TOLLIP: variants seen among roughly 807,000 people sequenced by gnomAD.
TOLLIP encodes the protein toll interacting protein, also known as toll-interacting protein.
Under a neutral mutation model 33.5 loss-of-function variants are expected in TOLLIP, and 16 were observed. That is an observed-to-expected ratio of 0.48 (90% CI 0.32 to 0.72). TOLLIP has a LOEUF of 0.72. Ranked by LOEUF, TOLLIP falls within the 30% of genes least tolerant of loss-of-function variation. The pLI is 0.03. For synonymous variants in TOLLIP, 176 were observed against 163.7 expected, an observed-to-expected ratio of 1.07 and a Z score of -0.57; for missense variants, 325 against 396.6, an observed-to-expected ratio of 0.82 and a Z score of 1.53.
At chr11:1,307,404 C>T (rs533673944) in intron 1 of TOLLIP, among the ~76,000 whole-genome samples, 32 of 152,384 alleles carry the variant, frequency 2.1e-4, no homozygotes, top group Non-Finnish European at 5.9e-5. Flanking sequence ...CTCCCACTTC[C>T]TCATCGCGGG....
rs1863820502 is a variant in TOLLIP, at chr11:1,288,486, G to T, written c.519+138C>A. ...AAACCACCCAGGGCCCCTGCCCTCT[G>T]TCCTCAGAACGTGAGCCCTGCTGTT... On this transcript the variant is annotated intron_variant, in intron 4 of 5. Coordinates refer to ENST00000317204, the MANE Select transcript of TOLLIP (RefSeq NM_019009.4). 15 of 1,094,762 alleles carry T rather than the reference G, an allele frequency of 1.4e-5. No homozygotes were observed. The South Asian group carries it at 1.8e-4, about 13-fold the overall frequency. 67.8% of individuals were successfully genotyped at this position (1,094,762 alleles called of 1,614,324 possible). A position where few individuals can be genotyped will look rare whatever the true frequency, so the allele number is the denominator to read the frequency against.
chr11:1,309,286 G>T (rs956356818), intron 1 of TOLLIP, among the ~76,000 whole-genome samples, 180 bp downstream of exon 1: 3 of 151,932 alleles, frequency 2.0e-5, no homozygotes, highest in Non-Finnish European at 4.4e-5. Context: ...CGTCCGTCCG[G>T]CCCGCCCCGC....
At chr11:1,295,849 C>T in intron 1 of TOLLIP, 55 bp from the exon 2 acceptor site, 1 of 1,497,062 alleles carries the variant, frequency 6.7e-7, no homozygotes. Context: ...CACAAAGCAG[C>T]CCGACAGCAG....
chr11:1,280,068 C>T (rs1052432811), intron 5 of TOLLIP, among the ~76,000 whole-genome samples: 4 of 152,230 alleles, frequency 2.6e-5, no homozygotes, highest in African/African-American at 7.2e-5. Context: ...ACCAAGTTAG[C>T]GGGTTAATAA....
Position 1,281,339 on chromosome 11 carries a change from G to A in TOLLIP, c.611-4086C>T, listed in dbSNP as rs149401232. 2.2e-3 allele frequency among the ~76,000 whole-genome samples: 338 copies of A among 152,260 alleles called. 5 individuals are homozygous for A. Among genetic ancestry groups the A allele is most frequent in the African/African-American group, 7.7e-3 (320 of 41,548 alleles). ...GGAGATGGTCTGACCTCAGCGCCCC[G>A]GCTTCTGAGTTGCTTTGTGGGGGAC... On this transcript the variant is annotated intron_variant, in intron 5 of 5. Coordinates refer to ENST00000317204, the MANE Select transcript of TOLLIP (RefSeq NM_019009.4).
At position 1,290,220 on chromosome 11, in the gene TOLLIP, C is replaced by T. The variant is rs1395393722; in HGVS notation, c.366+7G>A. The T allele has an allele frequency of 6.2e-7, 1 of 1,612,552 alleles. No homozygotes were observed. The highest frequency in any genetic ancestry group is 2.2e-5 in the East Asian group (1 of 44,852). ...AGCCTCCATAATAGCTGGCACGTCCCTCTCACCTCATCGAAGATCTCGAGA... is the reference window on the plus strand; with the variant it reads ...AGCCTCCATAATAGCTGGCACGTCCTTCTCACCTCATCGAAGATCTCGAGA... On this transcript the variant is annotated splice_region_variant and intron_variant, in intron 3 of 5. Coordinates refer to ENST00000317204, the MANE Select transcript of TOLLIP (RefSeq NM_019009.4). The surrounding 1 kb of genome is among the most constrained non-coding windows in gnomAD (Gnocchi z 4.9).
rs533043514 is a variant in TOLLIP, at chr11:1,303,563, C to T, written c.33+5903G>A. Among the ~76,000 whole-genome samples, 102 of 152,354 alleles carry T rather than the reference C, an allele frequency of 6.7e-4. No homozygotes were observed. Among genetic ancestry groups the T allele is most frequent in the Non-Finnish European group, 1.2e-3 (80 of 68,040 alleles). On this transcript the variant is annotated intron_variant, in intron 1 of 5. Coordinates refer to ENST00000317204, the MANE Select transcript of TOLLIP (RefSeq NM_019009.4). This position sits in a 1 kb window ranked among gnomAD's most constrained non-coding sequence, Gnocchi z 4.2. ...GCTGTGCAAAGAAACAGGGCAAGGCCGGGTGGCAGGGGCACGCTGCACTTC... is the reference window on the plus strand; with the variant it reads ...GCTGTGCAAAGAAACAGGGCAAGGCTGGGTGGCAGGGGCACGCTGCACTTC...
chr11:1,282,963 T>C (rs1257299515), intron 5 of TOLLIP, among the ~76,000 whole-genome samples: 1 of 152,012 alleles, frequency 6.6e-6, no homozygotes. Context: ...ATAAATAAAA[T>C]AGGAAATTGT....
chr11:1,306,409 A>C (rs769789809), intron 1 of TOLLIP, among the ~76,000 whole-genome samples: 4 of 151,890 alleles, frequency 2.6e-5, no homozygotes, highest in Non-Finnish European at 4.4e-5. Context: ...AGGGGGAGGC[A>C]ACGGCTAGAC....
At chr11:1,291,579 C>T (rs1352672140) in intron 2 of TOLLIP, among the ~76,000 whole-genome samples, 3 of 150,714 alleles carry the variant, frequency 2.0e-5, no homozygotes, top group Non-Finnish European at 4.4e-5. Context: ...TCTGAGGGCA[C>T]GGCCACCCTG....
chr11:1,274,956 G>A lies in TOLLIP; in HGVS notation c.*2083C>T, dbSNP rs540524758. On this transcript the variant is annotated 3_prime_UTR_variant, in exon 6 of 6. Transcript: ENST00000317204. ...GCTTCTACAGTAAGCCACTTCTACA[G>A]TAAGCCTTCAAACAGGAAATAAAGC... 1 of 152,322 alleles carries A rather than the reference G, an allele frequency of 6.6e-6. No homozygotes were observed. The highest frequency in any genetic ancestry group is 2.4e-5 in the African/African-American group (1 of 41,548). 9.4% of individuals were successfully genotyped at this position (152,322 alleles called of 1,614,324 possible).
At chr11:1,301,270 C>T (rs906624341) in intron 1 of TOLLIP, among the ~76,000 whole-genome samples, 1 of 152,246 alleles carries the variant, frequency 6.6e-6, no homozygotes, top group African/African-American at 2.4e-5. Flanking sequence ...AAACTGACAT[C>T]ATTAGCGATG....
chr11:1,286,164 C>A, intron 4 of TOLLIP, 72 bp from the exon 5 acceptor site: 1 of 1,220,414 alleles, frequency 8.2e-7, no homozygotes, highest in Non-Finnish European at 1.2e-6. Flanking sequence ...GAATCGCCCT[C>A]CCCACAATTG....
At chr11:1,295,989 C>T (rs1332956346) in intron 1 of TOLLIP, among the ~76,000 whole-genome samples, 195 bp from the exon 2 acceptor site, 3 of 152,194 alleles carry the variant, frequency 2.0e-5, no homozygotes, top group Non-Finnish European at 4.4e-5. Context: ...TGGCCCCCAG[C>T]GGTACAGGTG....
At chr11:1,280,161 G>A (rs1003204174) in intron 5 of TOLLIP, among the ~76,000 whole-genome samples, 23 of 152,222 alleles carry the variant, frequency 1.5e-4, no homozygotes, top group Non-Finnish European at 2.6e-4. Context: ...GAACCATTTC[G>A]TATTTTAAAT....
intron 5 of TOLLIP, chr11:1,283,611 A>T (rs1197346524): frequency 6.6e-6 from 3 of 454,122 alleles, no homozygotes; most frequent in African/African-American, 6.0e-5. Flanking sequence ...TCAAAAGAAA[A>T]TTTCAAAGTT....
rs1043416904 is a variant in TOLLIP at position 1,303,145 on chromosome 11, G to C, written c.33+6321C>G. Reference sequence around the variant, plus strand: ...AAGGGAAGAGTACAGGACAGAATGAGAATAAGCATAGATTATAAAAGCTGA... The same window carrying C: ...AAGGGAAGAGTACAGGACAGAATGACAATAAGCATAGATTATAAAAGCTGA... On this transcript the variant is annotated intron_variant, in intron 1 of 5. Coordinates refer to ENST00000317204, the MANE Select transcript of TOLLIP (RefSeq NM_019009.4). The surrounding 1 kb of genome is among the most constrained non-coding windows in gnomAD (Gnocchi z 4.2). Among the ~76,000 whole-genome samples, 1 of 152,180 alleles carries C rather than the reference G, an allele frequency of 6.6e-6. No individual in the cohort carries two copies.
chr11:1,289,826 A>C, intron 3 of TOLLIP, among the ~76,000 whole-genome samples: 1 of 130,262 alleles, frequency 7.7e-6, no homozygotes, highest in African/African-American at 3.1e-5. Context: ...GTGGCGGGGG[A>C]CACATGCATG....
chr11:1,297,215 G>A (rs908318096), intron 1 of TOLLIP, among the ~76,000 whole-genome samples: 2 of 152,152 alleles, frequency 1.3e-5, no homozygotes, highest in East Asian at 1.9e-4. Flanking sequence ...CCAGAAACCC[G>A]TACCTGCCTG....
Sources: gnomAD v4.1 joint callset for allele counts (sites outside exome capture counted in the v4.1 genomes callset) on GRCh38, gnomAD v4.1.1 for gene constraint, Gnocchi (gnomAD v3.1) non-coding constraint, MANE v1.5 for transcripts, NCBI Gene and HGNC (gene_info 2026-07-23, HGNC 2026-07-21) for gene names.